AJAP1: variants seen among roughly 807,000 people sequenced by gnomAD.
The protein encoded by AJAP1 is adherens junction-associated protein 1.
A neutral mutation model predicts 35.0 loss-of-function variants in AJAP1; 5 were observed. The ratio of observed to expected loss-of-function variants is 0.14; its 90% confidence interval spans 0.07 to 0.30. The LOEUF (loss-of-function observed/expected upper bound fraction) is 0.30, where lower values mean the gene tolerates loss of function less well. AJAP1 is among the 10% of genes least tolerant of loss of function. The pLI, the probability that AJAP1 is intolerant of heterozygous loss-of-function variation, is 1.00. For missense variants in AJAP1, 586 were observed against 571.0 expected (o/e 1.03, Z -0.27); for synonymous variants, 284 against 249.3 (o/e 1.14, Z -1.31).
intron 2 of AJAP1, among the ~76,000 whole-genome samples, chr1:4,766,985 T>A (rs928486443): frequency 6.6e-6 from 1 of 152,138 alleles, no homozygotes; most frequent in Non-Finnish European, 1.5e-5. Context: ...ATTGCGTGTG[T>A]GTGACTGCCC....
At chr1:4,760,299 G>A (rs545009278) in intron 2 of AJAP1, among the ~76,000 whole-genome samples, 1 of 151,850 alleles carries the variant, frequency 6.6e-6, no homozygotes, top group Non-Finnish European at 1.5e-5. Context: ...GCATGTGCGG[G>A]CATGAGTGTG....
chr1:4,739,716 GGTT>G lies in AJAP1; in HGVS notation c.829+27024_829+27026del, dbSNP rs372577097. 4.1e-4 allele frequency among the ~76,000 whole-genome samples: 62 copies of G among 152,228 alleles called. 1 individual carries two copies. The East Asian group carries it at 4.8e-3, about 12-fold the overall frequency. On this transcript the variant is annotated intron_variant, in intron 2 of 5. Coordinates refer to ENST00000378191, the MANE Select transcript of AJAP1 (RefSeq NM_018836.4). Reference sequence around the variant, plus strand: ...GGAGGAGGCAGCAGGTTCTGTTTTTGGTTGTTGTTTTTTTTTCTGTTTTCTTTT... The same window carrying G: ...GGAGGAGGCAGCAGGTTCTGTTTTTGGTTGTTTTTTTTTCTGTTTTCTTTT...
At chr1:4,770,581 G>A (rs1641812128) in intron 3 of AJAP1, among the ~76,000 whole-genome samples, 1 of 152,170 alleles carries the variant, frequency 6.6e-6, no homozygotes, top group African/African-American at 2.4e-5. Context: ...GACCTCACCT[G>A]CCTGCAGCCA....
chr1:4,750,319 G>A (rs971573246), intron 2 of AJAP1, among the ~76,000 whole-genome samples: 4 of 152,220 alleles, frequency 2.6e-5, no homozygotes, highest in Admixed American at 1.3e-4. Context: ...CATACTTCTC[G>A]CTGCCAATGC....
intron 5 of AJAP1, among the ~76,000 whole-genome samples, chr1:4,778,815 A>G (rs896507519): frequency 6.6e-6 from 1 of 152,040 alleles, no homozygotes; most frequent in Admixed American, 6.6e-5. Flanking sequence ...CAGTCCCCAG[A>G]GGTTGTTTCA....
chr1:4,746,180 C>T (rs939883970), intron 2 of AJAP1, among the ~76,000 whole-genome samples: 1 of 152,170 alleles, frequency 6.6e-6, no homozygotes, highest in African/African-American at 2.4e-5. Flanking sequence ...CCAGGCATTC[C>T]TCGGACGGTG....
intron 2 of AJAP1, among the ~76,000 whole-genome samples, chr1:4,716,682 A>AATGGTGATG (rs1640398289): frequency 6.6e-6 from 1 of 150,870 alleles, no homozygotes; most frequent in Admixed American, 6.6e-5. Flanking sequence ...TAATGGTGGA[A>AATGGTGATG]ATGGTGGTGA....
intron 2 of AJAP1, among the ~76,000 whole-genome samples, chr1:4,746,261 A>G (rs1641186117): frequency 6.6e-6 from 1 of 151,970 alleles, no homozygotes; most frequent in Non-Finnish European, 1.5e-5. Context: ...TGTCTCAAAT[A>G]TCCCTCTCCT....
chr1:4,689,952 T>A (rs1639701026), intron 1 of AJAP1, among the ~76,000 whole-genome samples: 1 of 152,014 alleles, frequency 6.6e-6, no homozygotes, highest in African/African-American at 2.4e-5. Context: ...TCAGCCAGGC[T>A]CCCTGGCCTG....
At chr1:4,698,704 G>A (rs1031568402) in intron 1 of AJAP1, among the ~76,000 whole-genome samples, 2 of 152,198 alleles carry the variant, frequency 1.3e-5, no homozygotes, top group Non-Finnish European at 2.9e-5. Context: ...AGCTGCTCTA[G>A]CTCCTTCTGT....
intron 2 of AJAP1, among the ~76,000 whole-genome samples, chr1:4,764,221 A>G: frequency 6.6e-6 from 1 of 152,224 alleles, no homozygotes; most frequent in East Asian, 1.9e-4. Context: ...CCTGACGAAT[A>G]CATTCACCCC....
chr1:4,703,153 G>A (rs1557616147), intron 1 of AJAP1, among the ~76,000 whole-genome samples: 1 of 152,190 alleles, frequency 6.6e-6, no homozygotes, highest in East Asian at 1.9e-4. Context: ...GTAGAGCGCG[G>A]AGTGGCTCTG....
intron 1 of AJAP1, among the ~76,000 whole-genome samples, chr1:4,695,416 G>A (rs949252306): frequency 6.6e-6 from 1 of 152,168 alleles, no homozygotes; most frequent in African/African-American, 2.4e-5. Flanking sequence ...CGGCTGGCCA[G>A]GCAAGGTGAG....
Position 4,717,046 on chromosome 1 carries a change from A to G in AJAP1, c.829+4347A>G, listed in dbSNP as rs560308738. ...GTCAGAAGTTAGCTTGAGGTTGGGG[A>G]GGAGGCTCCCCACAGTGCAGCCCCA... On this transcript the variant is annotated intron_variant, in intron 2 of 5. Coordinates refer to ENST00000378191, the MANE Select transcript of AJAP1 (RefSeq NM_018836.4). 3.9e-5 allele frequency among the ~76,000 whole-genome samples: 6 copies of G among 152,318 alleles called. No individual in the cohort carries two copies. The East Asian group carries it at 7.7e-4, about 20-fold the overall frequency.
intron 2 of AJAP1, among the ~76,000 whole-genome samples, chr1:4,752,071 C>T (rs934920021): frequency 2.0e-5 from 3 of 151,210 alleles, no homozygotes; most frequent in African/African-American, 7.3e-5. Context: ...CTCAGGTGGG[C>T]GGAGGAAGTG....
intron 2 of AJAP1, among the ~76,000 whole-genome samples, chr1:4,714,457 C>G (rs1010167403): frequency 2.0e-5 from 3 of 152,214 alleles, no homozygotes; most frequent in African/African-American, 7.2e-5. Flanking sequence ...CTGTATACGT[C>G]ACTTACTATA....
rs534506462 is a variant in AJAP1, at chr1:4,656,134, C to T, written c.29+680C>T. Among the ~76,000 whole-genome samples the T allele has an allele frequency of 5.3e-5, 8 of 152,060 alleles. No individual in the cohort carries two copies. Among genetic ancestry groups the T allele is most frequent in the East Asian group, 2.0e-4 (1 of 5,108 alleles). ...ACACACACGCACATACGCCCGCCGG[C>T]GCGCCCGGGGCTTGTCTGTGTCTGG... On this transcript the variant is annotated intron_variant, in intron 1 of 5. Coordinates refer to ENST00000378191, the MANE Select transcript of AJAP1 (RefSeq NM_018836.4). This position sits in a 1 kb window ranked among gnomAD's most constrained non-coding sequence, Gnocchi z 5.7.
intron 1 of AJAP1, among the ~76,000 whole-genome samples, chr1:4,695,055 G>A (rs1489664066): frequency 6.6e-6 from 1 of 152,170 alleles, no homozygotes; most frequent in African/African-American, 2.4e-5. Flanking sequence ...TGGCCGCCAG[G>A]GGACCTGTGG....
intron 5 of AJAP1, among the ~76,000 whole-genome samples, chr1:4,775,958 C>G (rs1199528675): frequency 6.6e-6 from 1 of 152,212 alleles, no homozygotes; most frequent in Admixed American, 6.5e-5. Flanking sequence ...GTCCGCGACC[C>G]GCCTGGTAAA....
Sources: allele counts gnomAD v4.1 joint callset (sites outside exome capture counted in the v4.1 genomes callset), GRCh38; gene constraint gnomAD v4.1.1; non-coding constraint Gnocchi (gnomAD v3.1); transcripts MANE v1.5; gene names NCBI Gene and HGNC (gene_info 2026-07-23, HGNC 2026-07-21).